The following SKAP2 variants were observed in gnomAD, a reference collection of about 807,000 sequenced individuals.
SKAP2 encodes the protein src kinase-associated phosphoprotein 2.
In SKAP2, 28 loss-of-function variants were observed where a neutral mutation model predicts 54.9. That is an observed-to-expected ratio of 0.51 (90% confidence interval 0.38 to 0.70). SKAP2 has a LOEUF of 0.70. SKAP2 is among the 30% of genes least tolerant of loss of function. The pLI, the probability that SKAP2 is intolerant of heterozygous loss-of-function variation, is 0.00. For missense variants in SKAP2, 356 were observed against 424.1 expected (o/e 0.84, Z 1.41); for synonymous variants, 137 against 134.3 (o/e 1.02, Z -0.14).
At chr7:26,716,453 T>C (rs1724271257) in intron 9 of SKAP2, among the ~76,000 whole-genome samples, 1 of 152,220 alleles carries the variant, frequency 6.6e-6, no homozygotes, top group African/African-American at 2.4e-5. Context: ...ATGCATGGTG[T>C]ATTTATTTCC....
At chr7:26,825,346 T>C (rs972340934) in intron 4 of SKAP2, among the ~76,000 whole-genome samples, 1 of 152,156 alleles carries the variant, frequency 6.6e-6, no homozygotes, top group African/African-American at 2.4e-5. Flanking sequence ...CCTCAATTGT[T>C]TTTTACTAAA....
chr7:26,722,598 G>A (rs1314846325), intron 9 of SKAP2, among the ~76,000 whole-genome samples: 2 of 151,270 alleles, frequency 1.3e-5, no homozygotes, highest in African/African-American at 4.9e-5. Flanking sequence ...TAGTAGAGAC[G>A]GGGTTTCACC....
At chr7:26,861,398 G>C (rs1785268467) in intron 1 of SKAP2, among the ~76,000 whole-genome samples, 1 of 151,972 alleles carries the variant, frequency 6.6e-6, no homozygotes, top group South Asian at 2.1e-4. Flanking sequence ...AAAATCAAAG[G>C]TTGCCTGTAA....
chr7:26,709,096 A>C (rs1424386162), intron 9 of SKAP2, among the ~76,000 whole-genome samples: 1 of 152,122 alleles, frequency 6.6e-6, no homozygotes, highest in East Asian at 1.9e-4. Flanking sequence ...GTATATCTAC[A>C]TGTGTTGGGT....
At chr7:26,763,050 C>G (rs1213018084) in intron 4 of SKAP2, among the ~76,000 whole-genome samples, 3 of 152,102 alleles carry the variant, frequency 2.0e-5, no homozygotes, top group African/African-American at 7.2e-5. Context: ...TCTCACTGAC[C>G]AATTGAAGTT....
At chr7:26,863,705 T>G (rs140230116) in intron 1 of SKAP2, among the ~76,000 whole-genome samples, 1 of 152,314 alleles carries the variant, frequency 6.6e-6, no homozygotes, top group African/African-American at 2.4e-5. Flanking sequence ...TTTCATCGTG[T>G]CACACAGGAA....
chr7:26,766,634 G>A (rs1783062878), intron 4 of SKAP2, among the ~76,000 whole-genome samples: 1 of 152,160 alleles, frequency 6.6e-6, no homozygotes, highest in African/African-American at 2.4e-5. Flanking sequence ...TTACTATTTT[G>A]AGATACATTC....
chr7:26,658,622 T>C, the SKAP2 span, among the ~76,000 whole-genome samples: 3 of 152,300 alleles, frequency 2.0e-5, no homozygotes, highest in South Asian at 6.2e-4. Context: ...CTACTGAATT[T>C]CACTTCGTTT....
At chr7:26,858,547 T>C (rs1016628195) in intron 1 of SKAP2, among the ~76,000 whole-genome samples, 2 of 152,182 alleles carry the variant, frequency 1.3e-5, no homozygotes, top group Non-Finnish European at 2.9e-5. Flanking sequence ...TCAATTGCCA[T>C]GGAGACCCCT....
intron 4 of SKAP2, among the ~76,000 whole-genome samples, chr7:26,824,918 T>A (rs1361864046): frequency 6.6e-6 from 1 of 152,194 alleles, no homozygotes; most frequent in Non-Finnish European, 1.5e-5. Context: ...ATACCTATGT[T>A]GGTGGATGTT....
intron 9 of SKAP2, among the ~76,000 whole-genome samples, chr7:26,717,509 CAAAAAAAAAAAAA>C (rs58826714): frequency 3.2e-3 from 73 of 23,130 alleles, no homozygotes; most frequent in South Asian, 0.02. Context: ...GACCCCATCT[CAAAAAAAAAAAAA>C]AAAAAAAAAA....
intron 4 of SKAP2, among the ~76,000 whole-genome samples, chr7:26,779,652 T>C (rs1215196379): frequency 6.6e-6 from 1 of 152,032 alleles, no homozygotes; most frequent in Non-Finnish European, 1.5e-5. Context: ...ATGCACGACT[T>C]GATTTCAAGG....
At chr7:26,775,821 C>T (rs763369580) in intron 4 of SKAP2, among the ~76,000 whole-genome samples, 7 of 152,130 alleles carry the variant, frequency 4.6e-5, no homozygotes, top group Non-Finnish European at 1.0e-4. Flanking sequence ...CTTCACTCAG[C>T]GTAACTGCCC....
At chr7:26,816,902 T>A (rs534641664) in intron 4 of SKAP2, among the ~76,000 whole-genome samples, 100 of 152,202 alleles carry the variant, frequency 6.6e-4, no homozygotes, top group African/African-American at 2.3e-3. Context: ...GGATAGGAAA[T>A]TAATTGCTAA....
At chr7:26,793,582 C>T (rs182149837) in intron 4 of SKAP2, among the ~76,000 whole-genome samples, 1 of 152,132 alleles carries the variant, frequency 6.6e-6, no homozygotes, top group East Asian at 1.9e-4. Context: ...GGAAGTTAGA[C>T]CAGTAAGGGC....
intron 4 of SKAP2, among the ~76,000 whole-genome samples, chr7:26,793,069 T>C (rs960561777): frequency 3.9e-5 from 6 of 152,186 alleles, no homozygotes; most frequent in Admixed American, 3.3e-4. Flanking sequence ...AGCAGTGACA[T>C]AGTGTTTGCT....
intron 3 of SKAP2, among the ~76,000 whole-genome samples, chr7:26,851,422 A>G (rs548182978): frequency 8.9e-4 from 135 of 152,168 alleles, no homozygotes; most frequent in Admixed American, 2.4e-3. Flanking sequence ...CCAGCCTGAG[A>G]CGCAGAGTGA....
At chr7:26,707,815 C>A (rs559939399) in intron 9 of SKAP2, among the ~76,000 whole-genome samples, 1 of 152,244 alleles carries the variant, frequency 6.6e-6, no homozygotes, top group East Asian at 1.9e-4. Flanking sequence ...AGAAATCAAA[C>A]CCCCAAGCCT....
intron 7 of SKAP2, chr7:26,726,659 T>C (rs1291199824): frequency 5.5e-6 from 2 of 362,542 alleles, no homozygotes; most frequent in Non-Finnish European, 9.9e-6. Flanking sequence ...AATTGATAAA[T>C]TATATATTCT....
Sources: allele counts gnomAD v4.1 joint callset (sites outside exome capture counted in the v4.1 genomes callset), GRCh38; gene constraint gnomAD v4.1.1; transcripts MANE v1.5; gene names NCBI Gene and HGNC (gene_info 2026-07-23, HGNC 2026-07-21).